Variants in GAB3 observed in about 807,000 individuals in gnomAD.
GAB3 encodes GRB2 associated binding protein 3, also known as GRB2-associated-binding protein 3.
GAB3 carries 12 observed loss-of-function variants against 40.4 expected under a neutral mutation model. That is an observed-to-expected ratio of 0.30 (90% CI 0.19 to 0.48). GAB3 has a LOEUF of 0.48. Ranked by LOEUF, GAB3 falls within the 20% of genes least tolerant of loss-of-function variation. The pLI, the probability that GAB3 is intolerant of heterozygous loss-of-function variation, is 0.99. For missense variants in GAB3, 381 were observed against 461.9 expected, an observed-to-expected ratio of 0.82 and a Z score of 1.61; for synonymous variants, 154 against 176.7, an observed-to-expected ratio of 0.87 and a Z score of 1.02.
chrX:154,699,582 A>G, intron 5 of GAB3, 69 bp from the exon 6 acceptor site: 1 of 905,589 alleles, frequency 1.1e-6, no homozygotes, highest in Non-Finnish European at 1.6e-6. Flanking sequence ...AGGGCGGCCA[A>G]AGCTGTACAT....
chrX:154,734,128 C>T (rs1303946061), intron 1 of GAB3, among the ~76,000 whole-genome samples: 1 of 112,574 alleles, frequency 8.9e-6, no homozygotes, highest in African/African-American at 3.2e-5. Flanking sequence ...CTTGTTAGCA[C>T]TAAAAGCCAC....
chrX:154,719,693 T>C (rs931397169), intron 1 of GAB3, among the ~76,000 whole-genome samples: 4 of 112,191 alleles, frequency 3.6e-5, no homozygotes, highest in African/African-American at 3.2e-5. Flanking sequence ...GTTTTGATTA[T>C]GCAAAAACAG....
chrX:154,703,820 G>A (rs376898484), intron 4 of GAB3, among the ~76,000 whole-genome samples: 1 of 111,298 alleles, frequency 9.0e-6, no homozygotes, highest in South Asian at 3.8e-4. Context: ...CAACCACTAT[G>A]GAGAAGTTTG....
chrX:154,743,096 G>T (rs2071470145), intron 1 of GAB3, among the ~76,000 whole-genome samples: 1 of 108,641 alleles, frequency 9.2e-6, no homozygotes, highest in Non-Finnish European at 1.9e-5. Flanking sequence ...AGGATGTTAA[G>T]CCAAGGAAGA....
chrX:154,732,109 G>A (rs1186657730), intron 1 of GAB3, among the ~76,000 whole-genome samples: 1 of 112,094 alleles, frequency 8.9e-6, no homozygotes, highest in South Asian at 3.7e-4. Context: ...CATCAGAAGA[G>A]TGAGCAGTGG....
upstream of GAB3, among the ~76,000 whole-genome samples, chrX:154,751,286 G>GC (rs1328417599): frequency 2.3e-5 from 2 of 87,324 alleles, no homozygotes; most frequent in Non-Finnish European, 4.3e-5. Flanking sequence ...GCTGTGCCCG[G>GC]GGGGGGGGTG....
intron 1 of GAB3, among the ~76,000 whole-genome samples, chrX:154,733,532 T>C (rs2071322814): frequency 8.9e-6 from 1 of 112,234 alleles, no homozygotes; most frequent in Middle Eastern, 4.6e-3. Flanking sequence ...ACTAGATTAT[T>C]TGTTGGAGAA....
intron 1 of GAB3, among the ~76,000 whole-genome samples, chrX:154,747,885 T>G (rs2071552730): frequency 8.9e-6 from 1 of 112,474 alleles, no homozygotes; most frequent in African/African-American, 3.2e-5. Context: ...ACAAAAACTA[T>G]GGGCTGCTAG....
At chrX:154,750,463 CA>C (rs1161106629) in intron 1 of GAB3, among the ~76,000 whole-genome samples, 2 of 112,245 alleles carry the variant, frequency 1.8e-5, no homozygotes, top group Admixed American at 9.3e-5. Flanking sequence ...TTCCAGACAG[CA>C]GTGTCCGATG....
intron 8 of GAB3, 30 bp from the exon 9 acceptor site, chrX:154,680,278 A>G (rs1603421828): frequency 9.5e-7 from 1 of 1,051,255 alleles, no homozygotes; most frequent in East Asian, 3.1e-5. Context: ...GAGTCAGGTT[A>G]ATGATGTCTA....
upstream of GAB3, chrX:154,751,429 C>T: frequency 1.7e-6 from 1 of 575,419 alleles, no homozygotes; most frequent in Non-Finnish European, 2.1e-6. Flanking sequence ...ATCCCCAATC[C>T]GCCACGCCAA....
intron 4 of GAB3, among the ~76,000 whole-genome samples, chrX:154,708,535 A>C (rs926454482): frequency 8.9e-6 from 1 of 112,337 alleles, no homozygotes; most frequent in Non-Finnish European, 1.9e-5. Context: ...TAGCAAAAAA[A>C]CTAAATGACC....
intron 1 of GAB3, among the ~76,000 whole-genome samples, chrX:154,740,686 C>T (rs2071422997): frequency 9.0e-6 from 1 of 111,587 alleles, no homozygotes; most frequent in African/African-American, 3.3e-5. Context: ...GCTGAGGTAG[C>T]CCACGACCCA....
At chrX:154,704,808 T>G (rs1241923160) in intron 4 of GAB3, among the ~76,000 whole-genome samples, 1 of 111,271 alleles carries the variant, frequency 9.0e-6, no homozygotes, top group Non-Finnish European at 1.9e-5. Flanking sequence ...TTTTGAACAA[T>G]TATACATTAA....
chrX:154,717,521 C>G (rs2071064347), intron 1 of GAB3, among the ~76,000 whole-genome samples: 1 of 111,914 alleles, frequency 8.9e-6, no homozygotes, highest in Non-Finnish European at 1.9e-5. Flanking sequence ...ACAGGTAAAG[C>G]TCAGTCCATG....
At chrX:154,687,674 T>G (rs2070480121) in intron 8 of GAB3, among the ~76,000 whole-genome samples, 1 of 109,795 alleles carries the variant, frequency 9.1e-6, no homozygotes, top group Non-Finnish European at 1.9e-5. Flanking sequence ...GCAGGATATT[T>G]TTGTAGATAA....
chrX:154,696,993 G>C (rs1476160277), intron 7 of GAB3, 139 bp downstream of exon 7: 7 of 461,001 alleles, frequency 1.5e-5, no homozygotes, highest in East Asian at 3.9e-5. Flanking sequence ...CCATAAAACA[G>C]CTCTTGCTCT....
intron 8 of GAB3, among the ~76,000 whole-genome samples, chrX:154,691,294 G>T (rs1557249316): frequency 9.8e-6 from 1 of 102,544 alleles, no homozygotes; most frequent in Non-Finnish European, 2.0e-5. Flanking sequence ...GGGAGGGATA[G>T]CATTGGGAGA....
intron 4 of GAB3, among the ~76,000 whole-genome samples, chrX:154,706,788 C>T (rs782678865): frequency 2.8e-5 from 3 of 109,061 alleles, no homozygotes; most frequent in African/African-American, 6.7e-5. Context: ...AGTGTGGTGG[C>T]GTGAGCCTGT....
Sources: gnomAD v4.1 joint callset for allele counts (sites outside exome capture counted in the v4.1 genomes callset) on GRCh38, gnomAD v4.1.1 for gene constraint, MANE v1.5 for transcripts, NCBI Gene and HGNC (gene_info 2026-07-23, HGNC 2026-07-21) for gene names.